The following ASRGL1 variants were observed in gnomAD, a reference collection of about 807,000 sequenced individuals.
The protein encoded by ASRGL1 is asparaginase and isoaspartyl peptidase 1, also known as isoaspartyl peptidase/L-asparaginase.
ASRGL1 carries 16 observed loss-of-function variants against 22.4 expected under a neutral mutation model. That is an observed-to-expected ratio of 0.71 (90% CI 0.48 to 1.08). The LOEUF (loss-of-function observed/expected upper bound fraction) is 1.08. Ranked by LOEUF, ASRGL1 falls within the 50% of genes least tolerant of loss-of-function variation. The pLI is 0.00. For missense variants in ASRGL1, 412 were observed against 410.1 expected (o/e 1.00, Z -0.04); for synonymous variants, 165 against 159.3 (o/e 1.04, Z -0.27).
rs370995577 is a variant in ASRGL1, at chr11:62,361,401, G to C, written c.491+4257G>C. On this transcript the variant is annotated intron_variant, in intron 4 of 6. Transcript: ENST00000415229. ...GGGTCTTGCCATGTTGCCCAGGCTC[G>C]TCTTAAGCTCCTGAGCTCAAGGGAT... Among the ~76,000 whole-genome samples, 5 of 150,394 alleles carry C rather than the reference G, an allele frequency of 3.3e-5. No homozygotes were observed. The South Asian group carries it at 1.1e-3, about 32-fold the overall frequency.
At position 62,392,680 on chromosome 11, in the gene ASRGL1, A is replaced by G; in HGVS notation, c.*396A>G. On this transcript the variant is annotated 3_prime_UTR_variant, in exon 7 of 7. Transcript: ENST00000415229. ...CAGACACTGTGGGCTGGAAGGTGGG[A>G]AGGGAGGGGCCGGTGGAGGTGGAGC... The G allele has an allele frequency of 4.3e-6, 1 of 232,210 alleles. No individual in the cohort carries two copies. 14.4% of individuals were successfully genotyped at this position (232,210 alleles called of 1,614,324 possible).
At chr11:62,365,415 A>T (rs988884606) in intron 4 of ASRGL1, among the ~76,000 whole-genome samples, 13 of 149,192 alleles carry the variant, frequency 8.7e-5, no homozygotes, top group Non-Finnish European at 1.9e-4. Context: ...TTAGCTGGGC[A>T]TGGTGGTGGG....
chr11:62,389,094 T>G lies in ASRGL1; in HGVS notation c.492-39T>G, dbSNP rs373782465. ...TTGTTGGTTATGGTGTTCATTCTCA[T>G]TTTCAGCCTGTCACTTTTTTTCTGT... is the stretch of plus-strand genomic sequence containing the variant. On this transcript the variant is annotated intron_variant, in intron 4 of 6. Transcript: ENST00000415229. 1.6e-5 allele frequency: 25 copies of G among 1,547,354 alleles called. No individual in the cohort carries two copies. The African/African-American group carries it at 3.3e-4, about 20-fold the overall frequency.
At chr11:62,374,349 A>G (rs912129138) in intron 4 of ASRGL1, among the ~76,000 whole-genome samples, 2 of 151,800 alleles carry the variant, frequency 1.3e-5, no homozygotes, top group Non-Finnish European at 2.9e-5. Context: ...CTTTCCCGGA[A>G]CCCTCCTCTT....
chr11:62,399,096 G>A, the ASRGL1 span, among the ~76,000 whole-genome samples: 1 of 152,160 alleles, frequency 6.6e-6, no homozygotes, highest in African/African-American at 2.4e-5. Context: ...CATGCCTGTA[G>A]TCCCAGCTAC....
chr11:62,388,139 G>A (rs915570514), intron 4 of ASRGL1, among the ~76,000 whole-genome samples: 12 of 152,108 alleles, frequency 7.9e-5, no homozygotes, highest in African/African-American at 2.9e-4. Flanking sequence ...GTCACACAAT[G>A]GTAAGTACTT....
downstream of ASRGL1, among the ~76,000 whole-genome samples, chr11:62,394,920 C>T (rs1288690427): frequency 1.3e-5 from 2 of 152,134 alleles, no homozygotes; most frequent in East Asian, 1.9e-4. Context: ...TTGTCCATGG[C>T]TCACTGTCAA....
intron 2 of ASRGL1, 51 bp downstream of exon 2, chr11:62,338,218 C>T: frequency 6.9e-7 from 1 of 1,452,250 alleles, no homozygotes; most frequent in East Asian, 2.4e-5. Flanking sequence ...CAAGCTCCTT[C>T]TTCAGAATAA....
chr11:62,369,389 G>A (rs531827536), intron 4 of ASRGL1, among the ~76,000 whole-genome samples: 2 of 152,182 alleles, frequency 1.3e-5, no homozygotes, highest in Admixed American at 6.5e-5. Flanking sequence ...ACAAAATGGA[G>A]TCTCTTATGT....
At chr11:62,363,019 C>T (rs1046906834) in intron 4 of ASRGL1, among the ~76,000 whole-genome samples, 8 of 136,882 alleles carry the variant, frequency 5.8e-5, no homozygotes, top group East Asian at 2.3e-4. Flanking sequence ...CCAGGGTTCA[C>T]GCCATTCTCC....
chr11:62,382,215 T>C (rs1455322456), intron 4 of ASRGL1: 1 of 151,486 alleles, frequency 6.6e-6, no homozygotes, highest in Non-Finnish European at 1.5e-5. Flanking sequence ...AGACAACGTA[T>C]AGAGAAAAAA....
At chr11:62,386,128 C>T (rs1590758611) in intron 4 of ASRGL1, among the ~76,000 whole-genome samples, 1 of 152,232 alleles carries the variant, frequency 6.6e-6, no homozygotes, top group East Asian at 1.9e-4. Flanking sequence ...CGCCACTGCC[C>T]TCCAACCTGG....
intron 2 of ASRGL1, among the ~76,000 whole-genome samples, chr11:62,354,769 T>A (rs966364199): frequency 2.0e-5 from 3 of 152,152 alleles, no homozygotes; most frequent in African/African-American, 7.2e-5. Flanking sequence ...TGAGGATAAC[T>A]GAAACCTCAG....
At chr11:62,356,520 A>G (rs1946301835) in intron 3 of ASRGL1, 53 bp downstream of exon 3, 5 of 1,577,346 alleles carry the variant, frequency 3.2e-6, no homozygotes, top group African/African-American at 1.3e-5. Context: ...GTTATACTGC[A>G]GTGATAAGGG....
intron 4 of ASRGL1, among the ~76,000 whole-genome samples, chr11:62,368,733 G>A (rs1946681614): frequency 6.6e-6 from 1 of 152,032 alleles, no homozygotes; most frequent in African/African-American, 2.4e-5. Context: ...AGTGGGGAGA[G>A]GGTCAGCAGG....
At chr11:62,373,222 A>G in intron 4 of ASRGL1, 1 of 872,394 alleles carries the variant, frequency 1.1e-6, no homozygotes, top group South Asian at 1.3e-5. Context: ...GGCAGCTGTC[A>G]TTTCCATGTG....
chr11:62,383,602 C>CAAAAAAAAAAAAAAAAAAA (rs35096038), intron 4 of ASRGL1, among the ~76,000 whole-genome samples: 7 of 21,930 alleles, frequency 3.2e-4, no homozygotes, highest in Non-Finnish European at 5.1e-4. Flanking sequence ...GACTCCTACT[C>CAAAAAAAAAAAAAAAAAAA]AAAAAAAAAA....
intron 4 of ASRGL1, chr11:62,372,137 C>T (rs1946788302): frequency 7.1e-6 from 6 of 847,828 alleles, no homozygotes; most frequent in Non-Finnish European, 1.2e-5. Flanking sequence ...GAGCTGGGGT[C>T]GAAATGAGAA....
chr11:62,352,998 A>AT (rs1565156429), intron 2 of ASRGL1, among the ~76,000 whole-genome samples: 1 of 152,036 alleles, frequency 6.6e-6, no homozygotes. Context: ...TTCAGGCATT[A>AT]TTTTTTTGAA....
Sources: gnomAD v4.1 joint callset for allele counts (sites outside exome capture counted in the v4.1 genomes callset) on GRCh38, gnomAD v4.1.1 for gene constraint, MANE v1.5 for transcripts, NCBI Gene and HGNC (gene_info 2026-07-23, HGNC 2026-07-21) for gene names.